The following SHISA9 variants were observed in gnomAD, a reference collection of about 807,000 sequenced individuals.
SHISA9 encodes the protein protein shisa-9.
Under a neutral mutation model 38.0 loss-of-function variants are expected in SHISA9, and 13 were observed. The ratio of observed to expected loss-of-function variants is 0.34; its 90% CI spans 0.22 to 0.54. The LOEUF (loss-of-function observed/expected upper bound fraction) is 0.54. SHISA9 is among the 20% of genes least tolerant of loss of function. The probability of loss-of-function intolerance (pLI) is 0.91; values close to 1 mark genes in which losing one functional copy is unlikely to be tolerated. For missense variants in SHISA9, 538 were observed against 575.8 expected, an observed-to-expected ratio of 0.93 and a Z score of 0.67; for synonymous variants, 275 against 242.0, an observed-to-expected ratio of 1.14 and a Z score of -1.27.
chr16:13,511,041 G>A, the SHISA9 span, among the ~76,000 whole-genome samples: 1 of 152,180 alleles, frequency 6.6e-6, no homozygotes. Flanking sequence ...GTTCAGTTTG[G>A]ACGTTCATCA....
chr16:13,249,408 A>G, the SHISA9 span, among the ~76,000 whole-genome samples: 1 of 152,202 alleles, frequency 6.6e-6, no homozygotes, highest in African/African-American at 2.4e-5. Flanking sequence ...AATAGGAATA[A>G]TAATGCGCTT....
chr16:13,339,272 G>A, the SHISA9 span, among the ~76,000 whole-genome samples: 69,748 of 150,704 alleles, frequency 0.46, 17,184 homozygotes, highest in East Asian at 0.77. Flanking sequence ...TGCCATATCA[G>A]TCTTTCACCT....
At chr16:13,071,605 T>TCCTTCCTTCCTTC (rs2073518538) in intron 2 of SHISA9, among the ~76,000 whole-genome samples, 1 of 142,252 alleles carries the variant, frequency 7.0e-6, no homozygotes, top group Non-Finnish European at 1.5e-5. Context: ...TCCTTCCCTT[T>TCCTTCCTTCCTTC]CTTCCCTTCC....
chr16:13,151,890 G>T (rs887760193), intron 2 of SHISA9, among the ~76,000 whole-genome samples: 2 of 152,058 alleles, frequency 1.3e-5, no homozygotes, highest in African/African-American at 4.8e-5. Context: ...TTGTGTCCAG[G>T]GAGTCAGACT....
chr16:12,984,118 A>G (rs923095956), intron 2 of SHISA9, among the ~76,000 whole-genome samples: 3 of 152,114 alleles, frequency 2.0e-5, no homozygotes, highest in African/African-American at 7.2e-5. Flanking sequence ...TTTTCAGCCC[A>G]GGGGCCCCTG....
the SHISA9 span, among the ~76,000 whole-genome samples, chr16:13,266,684 T>C: frequency 6.6e-6 from 1 of 152,258 alleles, no homozygotes; most frequent in South Asian, 2.1e-4. Context: ...AGTCCAAGGA[T>C]AGCTCTGGGG....
chr16:13,357,582 G>A, the SHISA9 span, among the ~76,000 whole-genome samples: 10 of 152,278 alleles, frequency 6.6e-5, no homozygotes, highest in South Asian at 2.1e-4. Flanking sequence ...AATTTCATGC[G>A]CGTCCGTGTG....
At chr16:13,361,275 G>T in the SHISA9 span, among the ~76,000 whole-genome samples, 3 of 152,130 alleles carry the variant, frequency 2.0e-5, no homozygotes, top group South Asian at 6.2e-4. Flanking sequence ...ATTTTGTCTT[G>T]AATAAACCTG....
At chr16:13,200,445 AG>A (rs1567245530) in intron 2 of SHISA9, among the ~76,000 whole-genome samples, 126 of 100,864 alleles carry the variant, frequency 1.2e-3, no homozygotes, top group African/African-American at 5.4e-3. Flanking sequence ...CACACACAGC[AG>A]CAGCAGCAGC....
At chr16:13,195,181 T>C (rs7187533) in intron 2 of SHISA9, among the ~76,000 whole-genome samples, 79,058 of 152,050 alleles carry the variant, frequency 0.52, 21,816 homozygotes, top group African/African-American at 0.72. Flanking sequence ...TGAACCAGGC[T>C]CCTTGAAGAA....
intron 2 of SHISA9, among the ~76,000 whole-genome samples, chr16:13,054,053 A>G (rs2073283197): frequency 6.6e-6 from 1 of 152,174 alleles, no homozygotes; most frequent in South Asian, 2.1e-4. Context: ...TTTAAAGCCC[A>G]CATCAATCCT....
the SHISA9 span, among the ~76,000 whole-genome samples, chr16:13,379,570 A>G: frequency 2.6e-5 from 4 of 152,156 alleles, no homozygotes; most frequent in Admixed American, 2.6e-4. Context: ...GCTGCCAACT[A>G]TATTTTTTTA....
intron 2 of SHISA9, among the ~76,000 whole-genome samples, chr16:13,081,583 C>T (rs1175572544): frequency 6.6e-6 from 1 of 151,968 alleles, no homozygotes; most frequent in Non-Finnish European, 1.5e-5. Flanking sequence ...GCATTCCCTC[C>T]TCCTCCACCC....
At chr16:13,204,210 G>GTCTA (rs199860829) in intron 3 of SHISA9, among the ~76,000 whole-genome samples, 32,477 of 140,800 alleles carry the variant, frequency 0.23, 3,766 homozygotes, top group East Asian at 0.33. Flanking sequence ...CTGTCTGTCT[G>GTCTA]TCTATCTATC....
At chr16:12,930,706 A>G (rs2071451098) in intron 2 of SHISA9, among the ~76,000 whole-genome samples, 1 of 152,026 alleles carries the variant, frequency 6.6e-6, no homozygotes, top group African/African-American at 2.4e-5. Flanking sequence ...AAGTAACCTT[A>G]ATAATCTCCT....
At chr16:13,278,565 AT>A in the SHISA9 span, among the ~76,000 whole-genome samples, 2 of 151,726 alleles carry the variant, frequency 1.3e-5, no homozygotes, top group African/African-American at 4.8e-5. Flanking sequence ...TTTGTTGGTA[AT>A]TTTTAAATTA....
At chr16:12,967,868 G>A (rs2072000425) in intron 2 of SHISA9, among the ~76,000 whole-genome samples, 1 of 152,054 alleles carries the variant, frequency 6.6e-6, no homozygotes, top group Non-Finnish European at 1.5e-5. Context: ...TTGTCTGCAT[G>A]TTAGAATTAC....
chr16:13,410,686 A>G, the SHISA9 span, among the ~76,000 whole-genome samples: 4 of 152,214 alleles, frequency 2.6e-5, no homozygotes, highest in African/African-American at 9.6e-5. Flanking sequence ...TGATTATAAG[A>G]ATTATATAAC....
chr16:13,558,270 C>T, the SHISA9 span, among the ~76,000 whole-genome samples: 1 of 152,200 alleles, frequency 6.6e-6, no homozygotes, highest in Non-Finnish European at 1.5e-5. Context: ...CTAGCATTCA[C>T]ATCCCACATC....
Sources: allele counts gnomAD v4.1 joint callset (sites outside exome capture counted in the v4.1 genomes callset), GRCh38; gene constraint gnomAD v4.1.1; transcripts MANE v1.5; gene names NCBI Gene and HGNC (gene_info 2026-07-23, HGNC 2026-07-21).